HADH: variants seen among roughly 807,000 people sequenced by gnomAD.
HADH encodes hydroxyacyl-coenzyme A dehydrogenase, mitochondrial.
HADH carries 24 observed loss-of-function variants against 32.2 expected under a neutral mutation model. The observed-to-expected ratio is 0.75, with a 90% CI of 0.54 to 1.05. The LOEUF is 1.05. HADH is among the 50% of genes least tolerant of loss of function. The pLI, the probability that HADH is intolerant of heterozygous loss-of-function variation, is 0.00. For missense variants in HADH, 350 were observed against 397.1 expected (o/e 0.88, Z 1.01); for synonymous variants, 139 against 152.5 (o/e 0.91, Z 0.65).
intron 3 of HADH, among the ~76,000 whole-genome samples, chr4:108,018,082 G>C (rs1047159166): frequency 6.6e-6 from 1 of 152,148 alleles, no homozygotes; most frequent in Non-Finnish European, 1.5e-5. Flanking sequence ...ATGTGCCCAA[G>C]TTTCCCCTTT....
At chr4:108,033,717 A>G (rs1193781692) in intron 7 of HADH, among the ~76,000 whole-genome samples, 2 of 152,250 alleles carry the variant, frequency 1.3e-5, no homozygotes, top group Non-Finnish European at 2.9e-5. Context: ...ATCCATTGTA[A>G]TGTAAAAGCT....
chr4:108,004,345 C>G (rs1258169662), intron 1 of HADH: 1 of 289,094 alleles, frequency 3.5e-6, no homozygotes, highest in Non-Finnish European at 6.7e-6. Flanking sequence ...AAGTCTTGGG[C>G]AGAGGATCAA....
At chr4:108,004,584 A>G in intron 1 of HADH, 1 of 1,331,946 alleles carries the variant, frequency 7.5e-7, no homozygotes, top group Non-Finnish European at 1.0e-6. Flanking sequence ...TGAATGAATA[A>G]TCCAAACTTG....
chr4:108,013,507 C>G (rs1358475907), intron 2 of HADH, among the ~76,000 whole-genome samples: 1 of 152,134 alleles, frequency 6.6e-6, no homozygotes, highest in Admixed American at 6.5e-5. Flanking sequence ...AGTCTATACT[C>G]CTGAGGTTTC....
intron 1 of HADH, among the ~76,000 whole-genome samples, chr4:107,999,586 G>A (rs560942183): frequency 6.6e-6 from 1 of 152,284 alleles, no homozygotes; most frequent in Admixed American, 6.5e-5. Flanking sequence ...AACAAAACCA[G>A]TCATGACTTC....
intron 1 of HADH, among the ~76,000 whole-genome samples, chr4:107,994,910 A>G (rs1476993493): frequency 6.6e-6 from 1 of 152,172 alleles, no homozygotes; most frequent in Non-Finnish European, 1.5e-5. Context: ...GCAACAGAAA[A>G]TAATGCTATG....
At chr4:108,019,302 T>TA (rs1313150721) in intron 3 of HADH, among the ~76,000 whole-genome samples, 1 of 152,210 alleles carries the variant, frequency 6.6e-6, no homozygotes, top group Non-Finnish European at 1.5e-5. Context: ...TGGTGAAGGT[T>TA]AAATACCTCT....
intron 6 of HADH, chr4:108,032,322 A>G (rs770587805): frequency 1.3e-6 from 2 of 1,588,908 alleles, no homozygotes; most frequent in Non-Finnish European, 1.7e-6. Flanking sequence ...TAGTCTACTC[A>G]ACAGACTTCC....
chr4:107,991,580 G>T (rs1734813786), intron 1 of HADH, among the ~76,000 whole-genome samples: 1 of 152,038 alleles, frequency 6.6e-6, no homozygotes, highest in Non-Finnish European at 1.5e-5. Flanking sequence ...GACATACATT[G>T]CCCTTTTTAT....
At chr4:107,990,728 G>C (rs1734758816) in intron 1 of HADH, among the ~76,000 whole-genome samples, 1 of 151,244 alleles carries the variant, frequency 6.6e-6, no homozygotes, top group Admixed American at 6.6e-5. Context: ...GCGCTGCAGC[G>C]GAATAAGTCT....
chr4:107,998,251 T>C (rs1006087566), intron 1 of HADH, among the ~76,000 whole-genome samples: 2 of 152,076 alleles, frequency 1.3e-5, no homozygotes, highest in Non-Finnish European at 2.9e-5. Context: ...TGAGAGGATC[T>C]TGGGGAGTAG....
At chr4:108,006,518 G>A (rs1735298460) in intron 1 of HADH, among the ~76,000 whole-genome samples, 1 of 152,206 alleles carries the variant, frequency 6.6e-6, no homozygotes, top group Admixed American at 6.5e-5. Flanking sequence ...TCAGAGCACA[G>A]ATCTTAGAGC....
At chr4:108,016,388 G>A (rs1735694904) in intron 3 of HADH, among the ~76,000 whole-genome samples, 1 of 152,206 alleles carries the variant, frequency 6.6e-6, no homozygotes, top group African/African-American at 2.4e-5. Context: ...CTGACAAAGA[G>A]AAGAGACTTG....
chr4:108,003,827 C>CA (rs1393941780), intron 1 of HADH, among the ~76,000 whole-genome samples: 2 of 133,804 alleles, frequency 1.5e-5, no homozygotes, highest in African/African-American at 2.8e-5. Context: ...AAAAAAAAAA[C>CA]AAAAAAAAAA....
At chr4:108,009,536 C>T (rs2126226149) in intron 1 of HADH, among the ~76,000 whole-genome samples, 1 of 152,194 alleles carries the variant, frequency 6.6e-6, no homozygotes, top group South Asian at 2.1e-4. Flanking sequence ...ACAGTTGTTT[C>T]AAGAATTTGT....
intron 2 of HADH, among the ~76,000 whole-genome samples, chr4:108,013,414 G>A (rs772040935): frequency 2.0e-5 from 3 of 152,006 alleles, no homozygotes; most frequent in Non-Finnish European, 4.4e-5. Flanking sequence ...GTCTCCTTGG[G>A]CTGAGTTTCT....
chr4:107,990,531 T>C (rs564555433), intron 1 of HADH, among the ~76,000 whole-genome samples: 1 of 152,294 alleles, frequency 6.6e-6, no homozygotes, highest in Non-Finnish European at 1.5e-5. Context: ...TTTGTCAAAG[T>C]AGTTTTCTCT....
intron 2 of HADH, among the ~76,000 whole-genome samples, chr4:108,012,328 C>T (rs563822514): frequency 1.3e-5 from 2 of 152,248 alleles, no homozygotes; most frequent in Non-Finnish European, 2.9e-5. Context: ...GTTAGAAATG[C>T]TTGTTCTTTG....
intron 1 of HADH, 78 bp downstream of exon 1, chr4:107,990,142 G>C (rs1490826935): frequency 6.9e-7 from 1 of 1,453,666 alleles, no homozygotes; most frequent in Non-Finnish European, 9.3e-7. Context: ...GACCGGCCGC[G>C]AGGGGCCTGC....
Sources: allele counts gnomAD v4.1 joint callset (sites outside exome capture counted in the v4.1 genomes callset), GRCh38; gene constraint gnomAD v4.1.1; transcripts MANE v1.5; gene names NCBI Gene and HGNC (gene_info 2026-07-23, HGNC 2026-07-21).